COLEC11: variants seen among roughly 807,000 people sequenced by gnomAD.
The protein encoded by COLEC11 is collectin-11.
A neutral mutation model predicts 27.3 loss-of-function variants in COLEC11; 20 were observed. The observed-to-expected ratio is 0.73, with a 90% CI of 0.51 to 1.06. The LOEUF (loss-of-function observed/expected upper bound fraction) is 1.06. Ranked by LOEUF, COLEC11 falls within the 50% of genes least tolerant of loss-of-function variation. The pLI is 0.00. For missense variants in COLEC11, 310 were observed against 383.0 expected (o/e 0.81, Z 1.59); for synonymous variants, 163 against 154.7 (o/e 1.05, Z -0.40).
chr2:3,633,009 C>T (rs1479214572), intron 3 of COLEC11, among the ~76,000 whole-genome samples: 3 of 152,186 alleles, frequency 2.0e-5, no homozygotes, highest in South Asian at 2.1e-4. Flanking sequence ...GGGGAGGGCG[C>T]GAGGGGCTTC....
chr2:3,607,935 C>A (rs963622709), intron 2 of COLEC11, among the ~76,000 whole-genome samples: 3 of 152,222 alleles, frequency 2.0e-5, no homozygotes, highest in African/African-American at 7.2e-5. Flanking sequence ...TCCTCTCTGA[C>A]TTCCCATGGC....
intron 3 of COLEC11, among the ~76,000 whole-genome samples, chr2:3,622,039 C>A (rs1664224157): frequency 6.6e-6 from 1 of 151,804 alleles, no homozygotes. Flanking sequence ...TAGCCGGGTG[C>A]TCGCCTGTAG....
chr2:3,619,383 T>C (rs1416701439), intron 3 of COLEC11, among the ~76,000 whole-genome samples: 1 of 152,238 alleles, frequency 6.6e-6, no homozygotes, highest in Non-Finnish European at 1.5e-5. Context: ...TTTTCACCAG[T>C]GAGTATGATG....
chr2:3,642,157 G>A lies in COLEC11; in HGVS notation c.329-1287G>A, dbSNP rs115591535. Among the ~76,000 whole-genome samples the A allele has an allele frequency of 7.9e-3, 1,207 of 152,306 alleles. 12 individuals carry two copies. The highest frequency in any genetic ancestry group is 0.028 in the African/African-American group (1,158 of 41,564). On this transcript the variant is annotated intron_variant, in intron 5 of 6. Coordinates refer to ENST00000349077, the MANE Select transcript of COLEC11 (RefSeq NM_024027.5). ...AGCTGCGTGTTCTGGACACCGTGCC[G>A]TCTGCGAGGCATCAGAGGGACTTCC... is the stretch of plus-strand genomic sequence containing the variant.
intron 3 of COLEC11, among the ~76,000 whole-genome samples, chr2:3,634,963 C>T (rs574362259): frequency 2.6e-5 from 4 of 152,144 alleles, no homozygotes; most frequent in African/African-American, 7.2e-5. Context: ...CTGCCTGCCC[C>T]GCTGCCCTTG....
intron 2 of COLEC11, among the ~76,000 whole-genome samples, chr2:3,609,457 A>G (rs1186713598): frequency 1.4e-5 from 2 of 141,078 alleles, no homozygotes; most frequent in Non-Finnish European, 3.0e-5. Flanking sequence ...GCAGCCTGCA[A>G]CTCCTGGGCT....
intron 5 of COLEC11, 146 bp from the exon 6 acceptor site, chr2:3,643,298 G>A: frequency 1.4e-6 from 1 of 711,818 alleles, no homozygotes; most frequent in South Asian, 1.5e-5. Flanking sequence ...CCTTTAGGAT[G>A]AAGTGGGTGA....
At chr2:3,609,436 T>A (rs1663020292) in intron 2 of COLEC11, among the ~76,000 whole-genome samples, 1 of 143,838 alleles carries the variant, frequency 7.0e-6, no homozygotes. Context: ...GTGGTGCACT[T>A]ATAGCTAACT....
chr2:3,623,749 T>C (rs1664335783), intron 3 of COLEC11, among the ~76,000 whole-genome samples: 1 of 152,238 alleles, frequency 6.6e-6, no homozygotes, highest in South Asian at 2.1e-4. Flanking sequence ...TTCTCTTGTA[T>C]CTCATTGAGC....
chr2:3,635,672 G>A lies in COLEC11; in HGVS notation c.203-1861G>A, dbSNP rs538987718. Among the ~76,000 whole-genome samples the A allele has an allele frequency of 8.5e-5, 13 of 152,336 alleles. No individual in the cohort carries two copies. The South Asian group carries it at 2.3e-3, about 27-fold the overall frequency. On this transcript the variant is annotated intron_variant, in intron 3 of 6. Coordinates refer to ENST00000349077, the MANE Select transcript of COLEC11 (RefSeq NM_024027.5). Reference sequence around the variant, plus strand: ...CCCTGCACAGCTGGCAACACACAGCGCCTGGTGTGCGAAGCAGAGTCGCCT... The same window carrying A: ...CCCTGCACAGCTGGCAACACACAGCACCTGGTGTGCGAAGCAGAGTCGCCT...
intron 1 of COLEC11, chr2:3,603,951 G>C: frequency 1.8e-6 from 1 of 569,796 alleles, no homozygotes; most frequent in Non-Finnish European, 3.1e-6. Flanking sequence ...GCTCTGCAGA[G>C]GCTCCATGTC....
intron 1 of COLEC11, among the ~76,000 whole-genome samples, chr2:3,597,918 T>G (rs1294485752): frequency 1.3e-5 from 2 of 152,110 alleles, no homozygotes; most frequent in East Asian, 3.8e-4. Flanking sequence ...TTTGTATTTT[T>G]TATTTTTATT....
Position 3,607,696 on chromosome 2 carries a change from G to A in COLEC11, c.130+3226G>A, listed in dbSNP as rs555988752. On this transcript the variant is annotated intron_variant, in intron 2 of 6. Transcript: ENST00000349077. ...ACTCCTGACCTCACGTAATCCACCC[G>A]CTTTGGCTTCCCAAAGTGCTGGGAT... 2.6e-5 allele frequency among the ~76,000 whole-genome samples: 4 copies of A among 152,218 alleles called. No homozygotes were observed. The East Asian group carries it at 5.8e-4, about 22-fold the overall frequency.
intron 2 of COLEC11, chr2:3,605,141 G>C (rs1662544717): frequency 4.3e-6 from 2 of 465,120 alleles, no homozygotes; most frequent in South Asian, 3.1e-5. Flanking sequence ...CCCAAGCCTG[G>C]GGGAGCCCGG....
chr2:3,605,761 C>A, intron 2 of COLEC11: 1 of 240,558 alleles, frequency 4.2e-6, no homozygotes, highest in South Asian at 5.9e-5. Context: ...TCAAAACAGT[C>A]ACCACGAAAG....
intron 3 of COLEC11, among the ~76,000 whole-genome samples, chr2:3,637,041 TCA>T (rs906478060): frequency 1.6e-4 from 24 of 152,130 alleles, no homozygotes; most frequent in African/African-American, 5.6e-4. Flanking sequence ...TGGCTCAAGT[TCA>T]CACACCCGAG....
Position 3,644,149 on chromosome 2 carries a change from C to A in COLEC11, c.*31C>A. 1 of 1,602,396 alleles carries A rather than the reference C, an allele frequency of 6.2e-7. No individual in the cohort carries two copies. The highest frequency in any genetic ancestry group is 8.5e-7 in the Non-Finnish European group (1 of 1,179,944). On this transcript the variant is annotated 3_prime_UTR_variant, in exon 7 of 7. Coordinates refer to ENST00000349077, the MANE Select transcript of COLEC11 (RefSeq NM_024027.5). ...AGGCTGGGGCTGCCCATTGGGGGCC[C>A]CACATGTCCCTGCAGGGTTGGCAGG... is the stretch of plus-strand genomic sequence containing the variant.
chr2:3,635,048 G>T (rs2147947319), intron 3 of COLEC11, among the ~76,000 whole-genome samples: 1 of 123,672 alleles, frequency 8.1e-6, no homozygotes, highest in East Asian at 2.7e-4. Flanking sequence ...TGCCCTCCTG[G>T]CCCTTGTCAC....
At chr2:3,628,236 C>G (rs1178214965) in intron 3 of COLEC11, among the ~76,000 whole-genome samples, 2 of 110,466 alleles carry the variant, frequency 1.8e-5, no homozygotes, top group African/African-American at 5.1e-5. Context: ...TGTCATCCTC[C>G]CTTCCCCAGG....
Sources: allele counts gnomAD v4.1 joint callset (sites outside exome capture counted in the v4.1 genomes callset), GRCh38; gene constraint gnomAD v4.1.1; transcripts MANE v1.5; gene names NCBI Gene and HGNC (gene_info 2026-07-23, HGNC 2026-07-21).